Variants in ATXN2L observed in about 807,000 individuals in gnomAD.
ATXN2L encodes ataxin 2 like.
In ATXN2L, 24 loss-of-function variants were observed where a neutral mutation model predicts 120.7. The observed-to-expected ratio is 0.20, with a 90% confidence interval of 0.14 to 0.28. The LOEUF is 0.28. ATXN2L is among the 10% of genes least tolerant of loss of function. The pLI, the probability that ATXN2L is intolerant of heterozygous loss-of-function variation, is 1.00. For missense variants in ATXN2L, 1,312 were observed against 1,432.3 expected (o/e 0.92, Z 1.36); for synonymous variants, 653 against 568.1 (o/e 1.15, Z -2.13).
chr16:28,836,293 A>G lies in ATXN2L; in HGVS notation c.*28A>G, dbSNP rs765760298. On this transcript the variant is annotated 3_prime_UTR_variant, in exon 22 of 22. Transcript: ENST00000336783. ...GGTCTTGGAGGCAGGGCTGTCCCACAGGGCGCCCGCCGACCTGCACCTGTC... is the reference window on the plus strand; with the variant it reads ...GGTCTTGGAGGCAGGGCTGTCCCACGGGGCGCCCGCCGACCTGCACCTGTC... The G allele has an allele frequency of 1.1e-5, 18 of 1,609,210 alleles. No individual in the cohort carries two copies. Among genetic ancestry groups the G allele is most frequent in the Non-Finnish European group, 1.5e-5 (18 of 1,177,492 alleles).
chr16:28,835,822 C>A, intron 21 of ATXN2L, 64 bp downstream of exon 21: 1 of 1,603,450 alleles, frequency 6.2e-7, no homozygotes, highest in East Asian at 2.2e-5. Context: ...TGGGGACCAT[C>A]CCATTGCCAA....
intron 2 of ATXN2L, 33 bp from the exon 3 acceptor site, chr16:28,825,591 T>C (rs949015474): frequency 8.1e-6 from 13 of 1,604,422 alleles, no homozygotes; most frequent in Non-Finnish European, 1.1e-5. Context: ...GACTGATTAC[T>C]CCTTTAATTC....
chr16:28,833,639 TAAAA>T (rs1225796372), intron 15 of ATXN2L, 131 bp downstream of exon 15: 12 of 985,918 alleles, frequency 1.2e-5, no homozygotes, highest in Non-Finnish European at 1.9e-5. Context: ...GGAGATGTCA[TAAAA>T]ATGTAAGGAT....
intron 11 of ATXN2L, 38 bp downstream of exon 11, chr16:28,832,437 T>A (rs1218774098): frequency 2.6e-5 from 42 of 1,611,776 alleles, no homozygotes; most frequent in Non-Finnish European, 3.4e-5. Flanking sequence ...AATGCATATT[T>A]AGTGTGATTT....
In ATXN2L at chr16:28,834,296, G is replaced by A; in HGVS notation, c.2173-47G>A. 5 of 1,611,622 alleles carry A rather than the reference G, an allele frequency of 3.1e-6. No individual in the cohort carries two copies. In the Admixed American group the frequency reaches 8.3e-5, roughly 27 times the overall value. ...GAGGGACCAGGTCAGGCCTGTCTGG[G>A]CATTCGTGAGCGAGTCATTCAGCCT... is the stretch of plus-strand genomic sequence containing the variant. On this transcript the variant is annotated intron_variant, in intron 16 of 21. Coordinates refer to ENST00000336783, the MANE Select transcript of ATXN2L (RefSeq NM_007245.4).
chr16:28,828,568 C>T (rs1245297328), intron 6 of ATXN2L, among the ~76,000 whole-genome samples: 2 of 142,990 alleles, frequency 1.4e-5, no homozygotes, highest in East Asian at 4.1e-4. Context: ...GCCTGGGCAA[C>T]AAGAGTGAAA....
chr16:28,831,797 A>G (rs56358680), intron 10 of ATXN2L, among the ~76,000 whole-genome samples: 51,964 of 152,076 alleles, frequency 0.34, 9,549 homozygotes, highest in Admixed American at 0.41. Context: ...GGTGGGGGGA[A>G]TCGCTTGAGC....
At position 28,829,988 on chromosome 16, in the gene ATXN2L, A is replaced by C; in HGVS notation, c.964A>C (p.Thr322Pro). ...RIAMENDDGR[T>P]EEEKHSAVQR... is the part of the protein sequence containing the mutation. ...CGCCATGGAGAACGACGATGGGCGC[A>C]CTGAAGAGGAGAAGCACAGTGCAGT... is the stretch of plus-strand genomic sequence containing the variant. Residue 322 changes from threonine to proline, a missense_variant, in exon 8 of 22, where the codon ACT (threonine) becomes CCT (proline). Transcript: ENST00000336783. 1.2e-6 allele frequency: 2 copies of C among 1,614,230 alleles called. No homozygotes were observed. The highest frequency in any genetic ancestry group is 2.2e-5 in the South Asian group (2 of 91,084).
At chr16:28,826,477 G>A (rs2052034450) in intron 5 of ATXN2L, 87 bp downstream of exon 5, 1 of 1,442,742 alleles carries the variant, frequency 6.9e-7, no homozygotes, top group Admixed American at 2.1e-5. Flanking sequence ...ATGGTGATGT[G>A]TTTGGTTTGT....
chr16:28,835,187 G>T lies in ATXN2L; in HGVS notation c.2563G>T (p.Ala855Ser). ...GCAGCCTACCCCCCAAGCCCTTTAT[G>T]GTGAGTCCTGCGCCTGGTCCCTCTG... ...AEQPTPQALY[A>S]TVHQSYPHHA... Residue 855 changes from alanine to serine, a missense_variant and splice_region_variant, in exon 19 of 22, where the codon GCC (alanine) becomes TCC (serine). By Grantham distance (99) the Ala-to-Ser change is moderately conservative. Coordinates refer to ENST00000336783, the MANE Select transcript of ATXN2L (RefSeq NM_007245.4). 3.1e-6 allele frequency: 5 copies of T among 1,610,594 alleles called. No individual in the cohort carries two copies. The highest frequency in any genetic ancestry group is 4.2e-6 in the Non-Finnish European group (5 of 1,178,008).
rs910386353 is a variant in ATXN2L, at chr16:28,831,128, A to G, written c.1321+56A>G. 3.4e-6 allele frequency: 4 copies of G among 1,193,588 alleles called. No homozygotes were observed. In the African/African-American group the frequency reaches 6.2e-5, roughly 18 times the overall value. 73.9% of individuals were successfully genotyped at this position (1,193,588 alleles called of 1,614,324 possible). A position where few individuals can be genotyped will look rare whatever the true frequency, so the allele number is the denominator to read the frequency against. On this transcript the variant is annotated intron_variant, in intron 10 of 21. Transcript: ENST00000336783. Reference sequence around the variant, plus strand: ...TGGATGGAAATTTGTAAAGAGATGTAAATATGTCCATTTGTTACAGTGCTG... The same window carrying G: ...TGGATGGAAATTTGTAAAGAGATGTGAATATGTCCATTTGTTACAGTGCTG...
Position 28,836,701 on chromosome 16 carries a change from G to C in ATXN2L, c.*436G>C, listed in dbSNP as rs778628696. 7 of 1,613,624 alleles carry C rather than the reference G, an allele frequency of 4.3e-6. No individual in the cohort carries two copies. The South Asian group carries it at 7.7e-5, about 18-fold the overall frequency. On this transcript the variant is annotated 3_prime_UTR_variant, in exon 22 of 22. Transcript: ENST00000336783. ...CAGCTGCTTGGGTTCTAATGCTCCTGCTCTCTTCTCTTTCCCCTCCAACCA... is the reference window on the plus strand; with the variant it reads ...CAGCTGCTTGGGTTCTAATGCTCCTCCTCTCTTCTCTTTCCCCTCCAACCA...
At chr16:28,825,532 G>A (rs1043698213) in intron 2 of ATXN2L, 92 bp from the exon 3 acceptor site, 48 of 1,534,638 alleles carry the variant, frequency 3.1e-5, no homozygotes, top group Non-Finnish European at 4.2e-5. Flanking sequence ...CACACACAAG[G>A]CAGAATGAGT....
rs757354468 is a variant in ATXN2L, at chr16:28,836,912, G to A, written c.*647G>A. ...AGGGGAGCTGGGGAATTCCTGCCAA[G>A]CACCTTGAATGGGAGGGGCCTCACA... On this transcript the variant is annotated 3_prime_UTR_variant, in exon 22 of 22. Coordinates refer to ENST00000336783, the MANE Select transcript of ATXN2L (RefSeq NM_007245.4). 4 of 974,244 alleles carry A rather than the reference G, an allele frequency of 4.1e-6. No individual in the cohort carries two copies. The highest frequency in any genetic ancestry group is 6.2e-6 in the Non-Finnish European group (4 of 647,618). The allele number at this position is 974,244 out of a possible 1,614,324, so 60.3% of individuals were successfully genotyped here.
At chr16:28,829,745 G>C in intron 7 of ATXN2L, 113 bp from the exon 8 acceptor site, 2 of 1,157,074 alleles carry the variant, frequency 1.7e-6, no homozygotes, top group Non-Finnish European at 1.3e-6. Flanking sequence ...ATGTTGAAGG[G>C]ATTAAATACT....
At position 28,835,730 on chromosome 16, in the gene ATXN2L, G is replaced by C. The variant is rs866137830; in HGVS notation, c.2867G>C (p.Gly956Ala). ...ATCCACCACCAGCAGCTGCCCCACG[G>C]CTTCACCAACATGGCCCATGTTACC... ...YAIHHQQLPH[G>A]FTNMAHVTQA... is the part of the protein sequence containing the mutation. The change falls in exon 21 of 22, where the codon GGC becomes GCC. Residue 956 changes from glycine to alanine, a missense_variant. Coordinates refer to ENST00000336783, the MANE Select transcript of ATXN2L (RefSeq NM_007245.4). 1 of 1,614,060 alleles carries C rather than the reference G, an allele frequency of 6.2e-7. No homozygotes were observed. Among genetic ancestry groups the C allele is most frequent in the Non-Finnish European group, 8.5e-7 (1 of 1,179,990 alleles).
intron 1 of ATXN2L, chr16:28,824,304 A>T (rs145242428): frequency 3.4e-6 from 4 of 1,189,904 alleles, no homozygotes; most frequent in Non-Finnish European, 4.3e-6. Context: ...TGTGTGTGTT[A>T]ATGGAATTAA....
intron 10 of ATXN2L, 65 bp from the exon 11 acceptor site, chr16:28,832,139 TA>T: frequency 6.5e-7 from 1 of 1,547,484 alleles, no homozygotes; most frequent in Non-Finnish European, 8.9e-7. Context: ...CTGTTTTGAG[TA>T]AGGCCCTTGT....
rs957183217 is a variant in ATXN2L, at chr16:28,833,870, C to T, written c.2026-195C>T. 17 of 728,914 alleles carry T rather than the reference C, an allele frequency of 2.3e-5. No homozygotes were observed. The African/African-American group carries it at 2.9e-4, about 12-fold the overall frequency. The allele number at this position is 728,914 out of a possible 1,614,324, so 45.2% of individuals were successfully genotyped here. A position where few individuals can be genotyped will look rare whatever the true frequency, so the allele number is the denominator to read the frequency against. On this transcript the variant is annotated intron_variant, in intron 15 of 21. Transcript: ENST00000336783. ...TTGGAAGGTTTGTGATCTTGGACGTCACTTACATTCTCTGCCTCACCTGTA... is the reference window on the plus strand; with the variant it reads ...TTGGAAGGTTTGTGATCTTGGACGTTACTTACATTCTCTGCCTCACCTGTA...
Sources: allele counts gnomAD v4.1 joint callset (sites outside exome capture counted in the v4.1 genomes callset), GRCh38; gene constraint gnomAD v4.1.1; transcripts MANE v1.5; gene names NCBI Gene and HGNC (gene_info 2026-07-23, HGNC 2026-07-21).